PPP6R2: variants seen among roughly 807,000 people sequenced by gnomAD.
PPP6R2 encodes the protein serine/threonine-protein phosphatase 6 regulatory subunit 2.
A neutral mutation model predicts 100.2 loss-of-function variants in PPP6R2; 62 were observed. That is an observed-to-expected ratio of 0.62 (90% CI 0.50 to 0.76). The LOEUF (loss-of-function observed/expected upper bound fraction) is 0.76. Among genes scored for constraint, PPP6R2 ranks in the 30% least tolerant of loss-of-function variants. The probability of loss-of-function intolerance (pLI) is 0.00; values close to 1 mark genes in which losing one functional copy is unlikely to be tolerated. For synonymous variants in PPP6R2, 525 were observed against 514.7 expected, an observed-to-expected ratio of 1.02 and a Z score of -0.27; for missense variants, 1,142 against 1,276.3, an observed-to-expected ratio of 0.89 and a Z score of 1.60.
chr22:50,390,693 G>T (rs1381432545), intron 2 of PPP6R2, among the ~76,000 whole-genome samples: 2 of 151,896 alleles, frequency 1.3e-5, no homozygotes, highest in Non-Finnish European at 2.9e-5. Flanking sequence ...TCCTAAATAT[G>T]TGTCAACATA....
intron 4 of PPP6R2, among the ~76,000 whole-genome samples, chr22:50,413,143 G>A (rs1187978214): frequency 2.0e-5 from 3 of 151,526 alleles, no homozygotes; most frequent in Non-Finnish European, 4.4e-5. Context: ...TTTTAGTAGA[G>A]ACGGGGTTTC....
chr22:50,422,318 G>C lies in PPP6R2; in HGVS notation c.910G>C (p.Val304Leu). The change falls in exon 9 of 24, where the codon GTA becomes CTA. Residue 304 changes from valine (V) to leucine (L), a missense_variant. Val to Leu is a conservative substitution (Grantham distance 32, BLOSUM62 1). Transcript: ENST00000612753. ...LERSYAVSSSVLHGIEPRLKD... is the reference protein window; with the variant it reads ...LERSYAVSSSLLHGIEPRLKD... Reference sequence around the variant, plus strand: ...AAGGTCATACGCTGTCAGCAGCAGCGTACTACACGGCATCGAGCCTCGGCT... The same window carrying C: ...AAGGTCATACGCTGTCAGCAGCAGCCTACTACACGGCATCGAGCCTCGGCT... The C allele has an allele frequency of 5.6e-6, 9 of 1,614,110 alleles. No individual in the cohort carries two copies. The highest frequency in any genetic ancestry group is 7.6e-6 in the Non-Finnish European group (9 of 1,180,004).
In PPP6R2 at chr22:50,429,139, T is replaced by C. The variant is rs541693009; in HGVS notation, c.1126-2034T>C. ...GCCGCCTCCTGGGCTCAGGCGATTC[T>C]CCTGCCTCAGCCTCCCAAGTAGCTG... On this transcript the variant is annotated intron_variant, in intron 10 of 23. Coordinates refer to ENST00000612753, the MANE Select transcript of PPP6R2 (RefSeq NM_001242898.2). Among the ~76,000 whole-genome samples, 48 of 152,226 alleles carry C rather than the reference T, an allele frequency of 3.2e-4. 2 individuals are homozygous for C. Among genetic ancestry groups the C allele is most frequent in the African/African-American group, 1.1e-3 (46 of 41,528 alleles).
chr22:50,346,566 TGCACCAGTC>T (rs1238448202), intron 1 of PPP6R2, among the ~76,000 whole-genome samples: 1 of 103,008 alleles, frequency 9.7e-6, no homozygotes, highest in African/African-American at 4.1e-5. Context: ...CAGTGCTTCC[TGCACCAGTC>T]AGTGTCCCCT....
intron 1 of PPP6R2, among the ~76,000 whole-genome samples, chr22:50,365,294 C>T (rs1248808571): frequency 2.6e-5 from 4 of 152,042 alleles, no homozygotes; most frequent in African/African-American, 4.8e-5. Context: ...TGGTCTTGAA[C>T]TCCCGACCTC....
At chr22:50,404,919 G>T (rs904366402) in intron 3 of PPP6R2, among the ~76,000 whole-genome samples, 5 of 152,202 alleles carry the variant, frequency 3.3e-5, no homozygotes, top group African/African-American at 1.2e-4. Context: ...GGGGGCTGCT[G>T]TTGAGGGCTG....
intron 19 of PPP6R2, 53 bp from the exon 20 acceptor site, chr22:50,439,644 TTGCC>T: frequency 1.4e-6 from 2 of 1,466,420 alleles, no homozygotes; most frequent in Non-Finnish European, 1.8e-6. Context: ...TGCCTCCCCT[TTGCC>T]TGCAGCACCC....
At chr22:50,374,800 G>A (rs1341489813) in intron 2 of PPP6R2, among the ~76,000 whole-genome samples, 2 of 151,034 alleles carry the variant, frequency 1.3e-5, no homozygotes, top group Non-Finnish European at 2.9e-5. Context: ...TGTATTCCCA[G>A]CTACTCAGGA....
chr22:50,354,987 GTGCCTGCCACCA>G (rs1009828029), intron 1 of PPP6R2, among the ~76,000 whole-genome samples: 1 of 151,180 alleles, frequency 6.6e-6, no homozygotes, highest in African/African-American at 2.4e-5. Context: ...GAGACTACAG[GTGCCTGCCACCA>G]TGCCTGGCTA....
At chr22:50,351,432 TG>T (rs2045237461) in intron 1 of PPP6R2, among the ~76,000 whole-genome samples, 1 of 150,198 alleles carries the variant, frequency 6.7e-6, no homozygotes, top group South Asian at 2.1e-4. Flanking sequence ...CGAGTCAGCC[TG>T]TGCACTCAAG....
chr22:50,428,761 G>T (rs1435585026), intron 10 of PPP6R2, among the ~76,000 whole-genome samples: 2 of 151,898 alleles, frequency 1.3e-5, no homozygotes, highest in Non-Finnish European at 1.5e-5. Context: ...CATGTCATTT[G>T]GGAACAAAGA....
At chr22:50,372,638 ATGCTC>A (rs1449699883) in intron 2 of PPP6R2, among the ~76,000 whole-genome samples, 1 of 152,038 alleles carries the variant, frequency 6.6e-6, no homozygotes, top group Non-Finnish European at 1.5e-5. Flanking sequence ...TGGTTTTGAG[ATGCTC>A]TGCATGTTTT....
rs1187133610 is a variant in PPP6R2 at position 50,422,255 on chromosome 22, A to G, written c.847A>G (p.Thr283Ala). ...LTLLETRRVGTEGLVDSFSQG... is the reference protein window; with the variant it reads ...LTLLETRRVGAEGLVDSFSQG... ...TCCATCTGCTTTCCTCATCCACAGGACAGAGGGCTTGGTGGACTCCTTTTC... is the reference window on the plus strand; with the variant it reads ...TCCATCTGCTTTCCTCATCCACAGGGCAGAGGGCTTGGTGGACTCCTTTTC... The change falls in exon 9 of 24, where the codon ACA becomes GCA. Residue 283 changes from threonine (T) to alanine (A), a missense_variant and splice_region_variant. Physicochemically the swap from Thr to Ala is moderately conservative, Grantham distance 58. Coordinates refer to ENST00000612753, the MANE Select transcript of PPP6R2 (RefSeq NM_001242898.2). 1 of 1,613,726 alleles carries G rather than the reference A, an allele frequency of 6.2e-7. No homozygotes were observed. The highest frequency in any genetic ancestry group is 1.3e-5 in the African/African-American group (1 of 74,894).
chr22:50,419,236 C>G, intron 7 of PPP6R2, 113 bp from the exon 8 acceptor site: 4 of 965,098 alleles, frequency 4.1e-6, no homozygotes, highest in Non-Finnish European at 6.3e-6. Context: ...TGCCTTGAGC[C>G]TGAGCAGGTT....
chr22:50,389,556 G>GTT (rs112650389), intron 2 of PPP6R2, among the ~76,000 whole-genome samples: 1 of 133,758 alleles, frequency 7.5e-6, no homozygotes, highest in Non-Finnish European at 1.6e-5. Context: ...ATCTTTTTTT[G>GTT]TTTTTTTTTT....
intron 1 of PPP6R2, among the ~76,000 whole-genome samples, chr22:50,356,412 C>T (rs1327373630): frequency 1.3e-5 from 2 of 150,568 alleles, no homozygotes; most frequent in Non-Finnish European, 2.9e-5. Context: ...AGGTAGTCAT[C>T]ACACCTCAGC....
At chr22:50,414,164 C>A (rs2060157039) in intron 4 of PPP6R2, among the ~76,000 whole-genome samples, 1 of 152,152 alleles carries the variant, frequency 6.6e-6, no homozygotes, top group African/African-American at 2.4e-5. Context: ...CCTGGGGCTG[C>A]CAGTGATGGC....
intron 1 of PPP6R2, among the ~76,000 whole-genome samples, chr22:50,353,716 GTGT>G (rs2045826909): frequency 1.3e-5 from 2 of 151,906 alleles, no homozygotes; most frequent in African/African-American, 4.8e-5. Context: ...AAGTACGCCT[GTGT>G]TGTTTTCCAT....
chr22:50,346,570 CCAGT>C (rs1308242979), intron 1 of PPP6R2, among the ~76,000 whole-genome samples: 3 of 133,470 alleles, frequency 2.2e-5, no homozygotes, highest in Non-Finnish European at 4.9e-5. Flanking sequence ...GCTTCCTGCA[CCAGT>C]CAGTGTCCCC....
Sources: gnomAD v4.1 joint callset for allele counts (sites outside exome capture counted in the v4.1 genomes callset) on GRCh38, gnomAD v4.1.1 for gene constraint, MANE v1.5 for transcripts, NCBI Gene and HGNC (gene_info 2026-07-23, HGNC 2026-07-21) for gene names.